The following NELL1 variants were observed in gnomAD, a reference collection of about 807,000 sequenced individuals.
NELL1 encodes the protein neural EGFL like 1, also known as protein kinase C-binding protein NELL1.
A neutral mutation model predicts 107.4 loss-of-function variants in NELL1; 76 were observed. The observed-to-expected ratio is 0.71, with a 90% CI of 0.59 to 0.86. The LOEUF (loss-of-function observed/expected upper bound fraction) is 0.86. Among genes scored for constraint, NELL1 ranks in the 40% least tolerant of loss-of-function variants. The pLI is 0.00. For synonymous variants in NELL1, 353 were observed against 341.2 expected (o/e 1.03, Z -0.38); for missense variants, 1,024 against 1,005.5 (o/e 1.02, Z -0.25).
chr11:21,534,133 T>G (rs984724016), intron 15 of NELL1, among the ~76,000 whole-genome samples: 1 of 152,174 alleles, frequency 6.6e-6, no homozygotes, highest in Non-Finnish European at 1.5e-5. Context: ...TGAGTTAGGA[T>G]TTTTTTGTGA....
At chr11:21,125,246 A>G (rs1261080946) in intron 13 of NELL1, among the ~76,000 whole-genome samples, 1 of 152,186 alleles carries the variant, frequency 6.6e-6, no homozygotes, top group Non-Finnish European at 1.5e-5. Flanking sequence ...AAGACCCAGT[A>G]TTTCCATAGG....
chr11:21,076,700 G>A (rs1446608839), intron 12 of NELL1, among the ~76,000 whole-genome samples: 1 of 152,126 alleles, frequency 6.6e-6, no homozygotes, highest in Admixed American at 6.6e-5. Flanking sequence ...GAGGTGTTTG[G>A]GTAAAGGGGG....
intron 15 of NELL1, among the ~76,000 whole-genome samples, chr11:21,418,767 G>C (rs111706008): frequency 4.6e-5 from 7 of 152,088 alleles, no homozygotes; most frequent in Non-Finnish European, 8.8e-5. Flanking sequence ...TAAAGCCATT[G>C]CATAGTTCAG....
chr11:20,898,513 A>G (rs1403822447), intron 5 of NELL1, among the ~76,000 whole-genome samples: 1 of 151,976 alleles, frequency 6.6e-6, no homozygotes, highest in African/African-American at 2.4e-5. Context: ...TGGCACATAT[A>G]TATATATGTA....
chr11:20,857,579 C>G (rs57062184), intron 4 of NELL1, among the ~76,000 whole-genome samples: 18,771 of 152,122 alleles, frequency 0.12, 1,419 homozygotes, highest in East Asian at 0.21. Context: ...ACTGAAGCAG[C>G]TGGAAGGACA....
intron 15 of NELL1, 25 bp from the exon 16 acceptor site, chr11:21,534,349 G>A (rs1194592778): frequency 3.7e-6 from 6 of 1,613,398 alleles, no homozygotes; most frequent in Non-Finnish European, 5.1e-6. Flanking sequence ...ATATCCTGGT[G>A]GGCTTGTGTT....
intron 13 of NELL1, among the ~76,000 whole-genome samples, chr11:21,142,848 A>G (rs549098888): frequency 5.5e-4 from 83 of 152,172 alleles, no homozygotes; most frequent in Non-Finnish European, 1.1e-3. Flanking sequence ...AAGGATCACT[A>G]TTTTGTGTTG....
intron 15 of NELL1, among the ~76,000 whole-genome samples, chr11:21,437,234 G>A (rs1010867757): frequency 2.0e-5 from 3 of 152,058 alleles, no homozygotes; most frequent in African/African-American, 7.2e-5. Context: ...CTATTGTATT[G>A]GGCTCTATCT....
intron 12 of NELL1, among the ~76,000 whole-genome samples, chr11:21,082,474 C>T (rs1894054): frequency 2.0e-5 from 3 of 151,854 alleles, no homozygotes; most frequent in Non-Finnish European, 2.9e-5. Context: ...TTTCCCATGA[C>T]GATCTGCATA....
chr11:20,951,826 C>A (rs1357834495), intron 11 of NELL1, among the ~76,000 whole-genome samples: 1 of 152,056 alleles, frequency 6.6e-6, no homozygotes, highest in Non-Finnish European at 1.5e-5. Context: ...TCTGATACCT[C>A]AGGACAGTTT....
At chr11:21,280,103 AAAC>A (rs1848959421) in intron 14 of NELL1, among the ~76,000 whole-genome samples, 1 of 152,172 alleles carries the variant, frequency 6.6e-6, no homozygotes, top group African/African-American at 2.4e-5. Flanking sequence ...TAAGGCAGTG[AAAC>A]TACTCTGTAA....
chr11:21,393,098 G>A (rs994461733), intron 15 of NELL1, among the ~76,000 whole-genome samples: 4 of 151,516 alleles, frequency 2.6e-5, no homozygotes, highest in Non-Finnish European at 4.4e-5. Flanking sequence ...TACGACCAAT[G>A]GAATGTAAAT....
At chr11:21,297,060 A>T (rs1024314600) in intron 14 of NELL1, among the ~76,000 whole-genome samples, 1 of 151,506 alleles carries the variant, frequency 6.6e-6, no homozygotes, top group African/African-American at 2.4e-5. Context: ...TTATATTTGG[A>T]ATTTATTTCT....
At chr11:21,242,481 G>A (rs1250045189) in intron 14 of NELL1, among the ~76,000 whole-genome samples, 1 of 152,128 alleles carries the variant, frequency 6.6e-6, no homozygotes, top group Admixed American at 6.6e-5. Flanking sequence ...TGCCCAGGAA[G>A]CAGGGGAGAA....
Position 20,678,075 on chromosome 11 carries a change from T to C in NELL1, c.184+15T>C, listed in dbSNP as rs768381657. The C allele has an allele frequency of 6.2e-6, 10 of 1,613,768 alleles. No individual in the cohort carries two copies. Among genetic ancestry groups the C allele is most frequent in the Non-Finnish European group, 8.5e-6 (10 of 1,179,838 alleles). On this transcript the variant is annotated intron_variant, in intron 2 of 19. Transcript: ENST00000357134. Reference sequence around the variant, plus strand: ...TTTATTTCAAGGTAAAGGCACCTCCTTTCTTGCATGGTGGCAGAGGTTGGG... The same window carrying C: ...TTTATTTCAAGGTAAAGGCACCTCCCTTCTTGCATGGTGGCAGAGGTTGGG...
At chr11:21,366,363 T>C (rs1274802127) in intron 14 of NELL1, among the ~76,000 whole-genome samples, 6 of 152,154 alleles carry the variant, frequency 3.9e-5, no homozygotes, top group Admixed American at 2.0e-4. Flanking sequence ...TGACCAGATT[T>C]TAATGATTTC....
In NELL1 at chr11:21,404,011, C is replaced by CCA. The variant is rs1554905742; in HGVS notation, c.1645+33064_1645+33065insAC. Among the ~76,000 whole-genome samples the CCA allele has an allele frequency of 1.0e-4, 11 of 109,572 alleles. No individual in the cohort carries two copies. In the East Asian group the frequency reaches 1.2e-3, roughly 12 times the overall value. 71.9% of individuals were successfully genotyped at this position (109,572 alleles called of 152,430 possible). A position where few individuals can be genotyped will look rare whatever the true frequency, so the allele number is the denominator to read the frequency against. On this transcript the variant is annotated intron_variant, in intron 15 of 19. Transcript: ENST00000357134. Reference sequence around the variant, plus strand: ...ATATCTCTGTCATTCCTGAACCCCCCCCCCCGCAATCAAAACCACTGGATA... The same window carrying CCA: ...ATATCTCTGTCATTCCTGAACCCCCCCACCCCCGCAATCAAAACCACTGGATA...
chr11:20,671,675 A>G (rs1464085701), intron 1 of NELL1, among the ~76,000 whole-genome samples: 1 of 152,154 alleles, frequency 6.6e-6, no homozygotes, highest in Non-Finnish European at 1.5e-5. Flanking sequence ...AGGATTTCTT[A>G]TGCAAAGAGG....
intron 15 of NELL1, among the ~76,000 whole-genome samples, chr11:21,485,752 A>G (rs972699338): frequency 2.6e-5 from 4 of 151,898 alleles, no homozygotes; most frequent in African/African-American, 9.7e-5. Flanking sequence ...TGCCTATTAC[A>G]GACAGTGCCA....
Sources: gnomAD v4.1 joint callset for allele counts (sites outside exome capture counted in the v4.1 genomes callset) on GRCh38, gnomAD v4.1.1 for gene constraint, MANE v1.5 for transcripts, NCBI Gene and HGNC (gene_info 2026-07-23, HGNC 2026-07-21) for gene names.